The following SPATA13 variants were observed in gnomAD, a reference collection of about 807,000 sequenced individuals.
SPATA13 encodes spermatogenesis associated 13, also known as spermatogenesis-associated protein 13.
A neutral mutation model predicts 104.0 loss-of-function variants in SPATA13; 50 were observed. That is an observed-to-expected ratio of 0.48 (90% confidence interval 0.38 to 0.61). SPATA13 has a LOEUF of 0.61. Ranked by LOEUF, SPATA13 falls within the 20% of genes least tolerant of loss-of-function variation. The probability of loss-of-function intolerance (pLI) is 0.00; values close to 1 mark genes in which losing one functional copy is unlikely to be tolerated. For synonymous variants in SPATA13, 606 were observed against 667.5 expected (o/e 0.91, Z 1.42); for missense variants, 1,524 against 1,690.6 (o/e 0.90, Z 1.73).
rs1215427953 is a variant in SPATA13 at position 24,218,722 on chromosome 13, G to A, written c.-111-4097G>A. Among the ~76,000 whole-genome samples, 7 of 137,360 alleles carry A rather than the reference G, an allele frequency of 5.1e-5. No homozygotes were observed. In the East Asian group the frequency reaches 1.4e-3, roughly 27 times the overall value. The allele number at this position is 137,360 out of a possible 152,430, so 90.1% of individuals were successfully genotyped here. A position where few individuals can be genotyped will look rare whatever the true frequency, so the allele number is the denominator to read the frequency against. On this transcript the variant is annotated intron_variant, in intron 1 of 12. Coordinates refer to ENST00000382108, the MANE Select transcript of SPATA13 (RefSeq NM_001166271.3). ...CATTATGAGGGGTTTTTTTTTTTGC[G>A]ATTTTTTTTTTAATCTCATCAGCAG...
At chr13:24,046,571 TCACTCAA>T (rs1878155413) in intron 3 of SPATA13, among the ~76,000 whole-genome samples, 1 of 151,288 alleles carries the variant, frequency 6.6e-6, no homozygotes, top group Non-Finnish European at 1.5e-5. Flanking sequence ...CTGGCCTCTT[TCACTCAA>T]TATGTTTGCA....
At chr13:23,982,849 C>A (rs1006865587) in intron 1 of SPATA13, among the ~76,000 whole-genome samples, 4 of 152,162 alleles carry the variant, frequency 2.6e-5, no homozygotes, top group Admixed American at 1.3e-4. Flanking sequence ...ACCAGGTACA[C>A]GTGTGAGCTT....
At chr13:23,993,132 G>T (rs1400609146) in intron 2 of SPATA13, among the ~76,000 whole-genome samples, 1 of 148,960 alleles carries the variant, frequency 6.7e-6, no homozygotes, top group East Asian at 2.0e-4. Context: ...AAGGAGCAAT[G>T]AACCTGCTGT....
At chr13:24,236,527 C>T (rs541602392) in intron 2 of SPATA13, among the ~76,000 whole-genome samples, 8 of 147,082 alleles carry the variant, frequency 5.4e-5, no homozygotes, top group South Asian at 4.3e-4. Context: ...ACCCAGGCGG[C>T]GGAGGTTGCA....
intron 5 of SPATA13, among the ~76,000 whole-genome samples, chr13:24,285,597 A>C (rs1593499416): frequency 6.9e-6 from 1 of 144,454 alleles, no homozygotes; most frequent in South Asian, 2.2e-4. Context: ...GGCTCACTGC[A>C]CCTCCGCCTT....
intron 2 of SPATA13, among the ~76,000 whole-genome samples, chr13:24,239,831 T>G (rs1872747969): frequency 6.6e-6 from 1 of 151,932 alleles, no homozygotes; most frequent in Non-Finnish European, 1.5e-5. Context: ...AGTAAGTTCA[T>G]TTTTATAAAA....
chr13:24,036,564 C>G (rs972823953), intron 3 of SPATA13, among the ~76,000 whole-genome samples: 1 of 152,084 alleles, frequency 6.6e-6, no homozygotes, highest in African/African-American at 2.4e-5. Flanking sequence ...CCCCTGCCAC[C>G]TGGGGCCCAC....
rs1469930812 is a variant in SPATA13 at position 24,085,618 on chromosome 13, T to TTGACTTTGCCTTTACC, written c.-112+67925_-112+67940dup. 2.6e-5 allele frequency among the ~76,000 whole-genome samples: 4 copies of TTGACTTTGCCTTTACC among 152,336 alleles called. No homozygotes were observed. In the East Asian group the frequency reaches 7.7e-4, roughly 29 times the overall value. ...TGCCACCACGTGCCTTCTCTGCATG[T>TTGACTTTGCCTTTACC]TGACTTTGCCTTTACCTGACTTTAC... On this transcript the variant is annotated intron_variant, in intron 3 of 14. Transcript: ENST00000424834.
chr13:24,100,041 C>G lies in SPATA13; in HGVS notation c.-112+82340C>G, dbSNP rs138378229. Among the ~76,000 whole-genome samples the G allele has an allele frequency of 9.7e-3, 1,475 of 152,212 alleles. 32 individuals are homozygous for G. Among genetic ancestry groups the G allele is most frequent in the African/African-American group, 0.033 (1,375 of 41,522 alleles). On this transcript the variant is annotated intron_variant, in intron 3 of 14. Coordinates refer to the SPATA13 transcript ENST00000424834. ...ACAGTTCTCTTTGCTGACCAGAGTG[C>G]TGGTGACAACAGTATTCACCTTATA...
At position 24,306,037 on chromosome 13, in the gene SPATA13, T is replaced by C. The variant is rs1877557879; in HGVS notation, c.*3264T>C. ...ATTAGATCTGATTTTTGTTTCCCAC[T>C]GTAGATCTGATTTTGTAGTTGAAAA... On this transcript the variant is annotated 3_prime_UTR_variant, in exon 13 of 13. Transcript: ENST00000382108. 6.6e-6 allele frequency: 1 copy of C among 152,220 alleles called. No individual in the cohort carries two copies. Among genetic ancestry groups the C allele is most frequent in the African/African-American group, 2.4e-5 (1 of 41,460 alleles). The allele number at this position is 152,220 out of a possible 1,614,324, so 9.4% of individuals were successfully genotyped here.
intron 3 of SPATA13, among the ~76,000 whole-genome samples, chr13:24,134,313 G>A (rs1881484749): frequency 6.6e-6 from 1 of 152,194 alleles, no homozygotes; most frequent in African/African-American, 2.4e-5. Context: ...CATGAAAAGT[G>A]TAAGCCCTGG....
chr13:24,158,235 T>G (rs1263499582), upstream of SPATA13, among the ~76,000 whole-genome samples: 3 of 152,172 alleles, frequency 2.0e-5, no homozygotes, highest in Non-Finnish European at 4.4e-5. Flanking sequence ...GTCACCGACC[T>G]TTGGAGGTTC....
At chr13:24,141,173 CAA>C (rs3075288) in intron 3 of SPATA13, among the ~76,000 whole-genome samples, 1 of 139,180 alleles carries the variant, frequency 7.2e-6, no homozygotes. Flanking sequence ...GACTCTGGCT[CAA>C]AAAAAAAAAA....
chr13:24,111,463 A>G (rs181199124), intron 3 of SPATA13, among the ~76,000 whole-genome samples: 288 of 146,026 alleles, frequency 2.0e-3, no homozygotes, highest in Non-Finnish European at 1.8e-3. Context: ...GCTGAAGTGC[A>G]GTGGTGCAAT....
chr13:24,062,953 C>T (rs913198019), intron 3 of SPATA13, among the ~76,000 whole-genome samples: 1 of 152,124 alleles, frequency 6.6e-6, no homozygotes, highest in African/African-American at 2.4e-5. Context: ...CCTCCAAGTT[C>T]GCACAGCCAA....
At chr13:24,252,582 T>C (rs780616094) in intron 4 of SPATA13, among the ~76,000 whole-genome samples, 3 of 152,156 alleles carry the variant, frequency 2.0e-5, no homozygotes, top group African/African-American at 7.2e-5. Flanking sequence ...ACAGTAGCAT[T>C]GTTAGGGTGG....
intron 4 of SPATA13, among the ~76,000 whole-genome samples, chr13:24,269,632 G>A (rs1874466541): frequency 6.6e-6 from 1 of 151,640 alleles, no homozygotes; most frequent in Non-Finnish European, 1.5e-5. Context: ...ACAGTGGTAC[G>A]ATCATAGCTT....
At chr13:24,157,338 A>G (rs541030425), upstream of SPATA13, among the ~76,000 whole-genome samples, 3 of 152,068 alleles carry the variant, frequency 2.0e-5, no homozygotes, top group African/African-American at 4.8e-5. Flanking sequence ...TCGCTCTGTC[A>G]CCCAGGCTGG....
At chr13:24,167,243 A>T (rs1006488960) in intron 1 of SPATA13, among the ~76,000 whole-genome samples, 4 of 152,136 alleles carry the variant, frequency 2.6e-5, no homozygotes, top group African/African-American at 7.2e-5. Context: ...GGAGGCTGTG[A>T]TGGTTCTGTG....
Sources: gnomAD v4.1 joint callset for allele counts (sites outside exome capture counted in the v4.1 genomes callset) on GRCh38, gnomAD v4.1.1 for gene constraint, MANE v1.5 for transcripts, NCBI Gene and HGNC (gene_info 2026-07-23, HGNC 2026-07-21) for gene names.